ITPR1: variants seen among roughly 807,000 people sequenced by gnomAD.
The protein encoded by ITPR1 is inositol 1,4,5-trisphosphate-gated calcium channel ITPR1.
Under a neutral mutation model 318.4 loss-of-function variants are expected in ITPR1, and 96 were observed. The observed-to-expected ratio is 0.30, with a 90% confidence interval of 0.26 to 0.36. ITPR1 has a LOEUF of 0.36. ITPR1 is among the 10% of genes least tolerant of loss of function. ITPR1 has a pLI of 1.00. For synonymous variants in ITPR1, 1,312 were observed against 1,289.9 expected, an observed-to-expected ratio of 1.02 and a Z score of -0.37; for missense variants, 2,440 against 3,460.2, an observed-to-expected ratio of 0.71 and a Z score of 7.40.
At chr3:4,496,007 G>T (rs976233345) in intron 2 of ITPR1, among the ~76,000 whole-genome samples, 1 of 152,210 alleles carries the variant, frequency 6.6e-6, no homozygotes, top group Non-Finnish European at 1.5e-5. Context: ...ATTTGAGGAG[G>T]TATTAGATAC....
At chr3:4,650,625 G>GTGTGTA (rs1438556160) in intron 10 of ITPR1, among the ~76,000 whole-genome samples, 2 of 141,814 alleles carry the variant, frequency 1.4e-5, no homozygotes, top group African/African-American at 2.7e-5. Flanking sequence ...GTGTGTGTGT[G>GTGTGTA]TGTGTGTGTG....
chr3:4,510,884 C>T (rs539255414), intron 2 of ITPR1, among the ~76,000 whole-genome samples: 6 of 152,056 alleles, frequency 3.9e-5, no homozygotes, highest in East Asian at 3.9e-4. Flanking sequence ...GGGGTAGGGA[C>T]GAGAGTGTTG....
At chr3:4,757,903 C>G (rs1342399970) in intron 44 of ITPR1, among the ~76,000 whole-genome samples, 4 of 152,122 alleles carry the variant, frequency 2.6e-5, no homozygotes, top group Admixed American at 1.3e-4. Context: ...TGCTCTGTCA[C>G]CCACAGAGTA....
intron 4 of ITPR1, among the ~76,000 whole-genome samples, chr3:4,573,678 A>T (rs1269873986): frequency 6.6e-6 from 1 of 152,208 alleles, no homozygotes. Context: ...TCCCTGCCTC[A>T]GGGCCTTTGT....
At chr3:4,553,449 G>A (rs1237623368) in intron 4 of ITPR1, among the ~76,000 whole-genome samples, 2 of 151,896 alleles carry the variant, frequency 1.3e-5, no homozygotes, top group Non-Finnish European at 2.9e-5. Flanking sequence ...ATTTTGTTTT[G>A]AGGGAGGGTC....
chr3:4,820,578 G>T (rs1363397049), intron 60 of ITPR1, among the ~76,000 whole-genome samples: 1 of 152,192 alleles, frequency 6.6e-6, no homozygotes, highest in African/African-American at 2.4e-5. Context: ...CACTCTGAGG[G>T]CCTGGGTGTT....
At chr3:4,756,064 G>A (rs1443691481) in intron 44 of ITPR1, among the ~76,000 whole-genome samples, 1 of 152,148 alleles carries the variant, frequency 6.6e-6, no homozygotes, top group Non-Finnish European at 1.5e-5. Flanking sequence ...TTATGCCAAG[G>A]GAGGGTCCAA....
Position 4,693,744 on chromosome 3 carries a change from G to A in ITPR1, c.4281+3G>A. On this transcript the variant is annotated splice_donor_region_variant and intron_variant, in intron 33 of 61. Coordinates refer to ENST00000649015, the MANE Select transcript of ITPR1 (RefSeq NM_001378452.1). The stretch of plus-strand genomic sequence containing the variant: ...CCCACGAGGACTGCATCCCTGAGGT[G>A]AGCGAGCCCAGCCTGGCTGTGCCCT... 3.7e-6 allele frequency: 6 copies of A among 1,608,460 alleles called. No homozygotes were observed. Among genetic ancestry groups the A allele is most frequent in the Non-Finnish European group, 5.1e-6 (6 of 1,176,236 alleles).
chr3:4,527,308 C>A (rs551773052), intron 4 of ITPR1, among the ~76,000 whole-genome samples: 111 of 152,298 alleles, frequency 7.3e-4, no homozygotes, highest in Non-Finnish European at 1.3e-3. Context: ...TCCCGAGTAG[C>A]TGGGACTACG....
chr3:4,592,684 C>A (rs9809167), intron 4 of ITPR1, among the ~76,000 whole-genome samples: 78 of 152,060 alleles, frequency 5.1e-4, no homozygotes, highest in African/African-American at 1.9e-3. Flanking sequence ...TCCACACCAT[C>A]GTCTGCAACT....
chr3:4,561,252 A>G (rs977921141), intron 4 of ITPR1, among the ~76,000 whole-genome samples: 7 of 152,200 alleles, frequency 4.6e-5, no homozygotes, highest in African/African-American at 7.2e-5. Flanking sequence ...GTGAAATTCT[A>G]TCTTAACAAG....
chr3:4,534,380 T>A (rs1265296706), intron 4 of ITPR1, among the ~76,000 whole-genome samples: 1 of 152,128 alleles, frequency 6.6e-6, no homozygotes, highest in East Asian at 1.9e-4. Context: ...TGGAGGCATC[T>A]CTCCCCAAGG....
At chr3:4,693,824 C>G (rs1414565271) in intron 33 of ITPR1, 83 bp downstream of exon 33, 8 of 1,468,180 alleles carry the variant, frequency 5.4e-6, no homozygotes, top group Non-Finnish European at 6.4e-6. Flanking sequence ...ATGGTGGTGG[C>G]TGGCCTGGGG....
At chr3:4,744,906 T>TCCC in intron 44 of ITPR1, among the ~76,000 whole-genome samples, 1 of 4,436 alleles carries the variant, frequency 2.3e-4, no homozygotes, top group African/African-American at 5.4e-4. Flanking sequence ...CCCTCCTTCC[T>TCCC]TCCTTCCTTC....
intron 4 of ITPR1, among the ~76,000 whole-genome samples, chr3:4,529,459 T>C (rs1195783567): frequency 6.6e-6 from 1 of 152,236 alleles, no homozygotes; most frequent in African/African-American, 2.4e-5. Context: ...GATTACGGAC[T>C]TTTTCTTTTG....
At position 4,516,459 on chromosome 3, in the gene ITPR1, T is replaced by C. The variant is rs1251533105; in HGVS notation, c.-16-17T>C. On this transcript the variant is annotated splice_polypyrimidine_tract_variant and intron_variant, in intron 2 of 61. Transcript: ENST00000649015. ...TTTCTTTTCTTCTAACAATGCTGCATATTTTACTTTGTCTAGGATTTTCAA... is the reference window on the plus strand; with the variant it reads ...TTTCTTTTCTTCTAACAATGCTGCACATTTTACTTTGTCTAGGATTTTCAA... The C allele has an allele frequency of 6.4e-6, 8 of 1,244,762 alleles. No individual in the cohort carries two copies. Among genetic ancestry groups the C allele is most frequent in the African/African-American group, 3.1e-5 (2 of 64,724 alleles). 77.1% of individuals were successfully genotyped at this position (1,244,762 alleles called of 1,614,324 possible). A position where few individuals can be genotyped will look rare whatever the true frequency, so the allele number is the denominator to read the frequency against.
intron 4 of ITPR1, among the ~76,000 whole-genome samples, chr3:4,532,810 G>A (rs1337971578): frequency 6.6e-6 from 1 of 152,222 alleles, no homozygotes; most frequent in Non-Finnish European, 1.5e-5. Context: ...AGGGCTAGTG[G>A]ATCAAAGTGC....
At chr3:4,565,733 A>G (rs1481029582) in intron 4 of ITPR1, among the ~76,000 whole-genome samples, 3 of 152,244 alleles carry the variant, frequency 2.0e-5, no homozygotes, top group Non-Finnish European at 2.9e-5. Flanking sequence ...AGCTGACTCT[A>G]TGCTAAGTGG....
intron 59 of ITPR1, among the ~76,000 whole-genome samples, chr3:4,815,871 C>CTT (rs887415484): frequency 1.4e-4 from 22 of 152,062 alleles, no homozygotes; most frequent in African/African-American, 5.3e-4. Flanking sequence ...CCTTTTTAAG[C>CTT]TTTTTGCTTT....
Sources: gnomAD v4.1 joint callset for allele counts (sites outside exome capture counted in the v4.1 genomes callset) on GRCh38, gnomAD v4.1.1 for gene constraint, MANE v1.5 for transcripts, NCBI Gene and HGNC (gene_info 2026-07-23, HGNC 2026-07-21) for gene names.